PAFAH1B1: variants seen among roughly 807,000 people sequenced by gnomAD.
The protein encoded by PAFAH1B1 is platelet activating factor acetylhydrolase 1b regulatory subunit 1.
A neutral mutation model predicts 57.5 loss-of-function variants in PAFAH1B1; 2 were observed. The observed-to-expected ratio is 0.03, with a 90% confidence interval of 0.01 to 0.11. The LOEUF (loss-of-function observed/expected upper bound fraction) is 0.11. Among genes scored for constraint, PAFAH1B1 ranks in the 10% least tolerant of loss-of-function variants. The pLI, the probability that PAFAH1B1 is intolerant of heterozygous loss-of-function variation, is 1.00. For synonymous variants in PAFAH1B1, 152 were observed against 169.6 expected (o/e 0.90, Z 0.81); for missense variants, 257 against 512.0 (o/e 0.50, Z 4.81).
chr17:2,616,046 G>C (rs533914127), intron 1 of PAFAH1B1, among the ~76,000 whole-genome samples: 83 of 152,314 alleles, frequency 5.4e-4, no homozygotes, highest in African/African-American at 1.9e-3. Context: ...AATAGGATGA[G>C]TTCTCAGTTA....
chr17:2,608,467 G>T (rs374320823), intron 1 of PAFAH1B1, among the ~76,000 whole-genome samples: 1 of 152,174 alleles, frequency 6.6e-6, no homozygotes, highest in East Asian at 1.9e-4. Flanking sequence ...AGACAATGCT[G>T]CAGTGAACAT....
rs2069102900 is a variant in PAFAH1B1 at position 2,666,027 on chromosome 17, A to G, written c.129A>G (p.Leu43=). 1 of 1,510,270 alleles carries G rather than the reference A, an allele frequency of 6.6e-7. No homozygotes were observed. Among genetic ancestry groups the G allele is most frequent in the African/African-American group, 1.4e-5 (1 of 72,728 alleles). The allele number at this position is 1,510,270 out of a possible 1,614,324, so 93.6% of individuals were successfully genotyped here. A position where few individuals can be genotyped will look rare whatever the true frequency, so the allele number is the denominator to read the frequency against. Residue 43 remains leucine (L), a synonymous_variant, in exon 4 of 11, where the codon TTA becomes TTG. Transcript: ENST00000397195. Reference sequence around the variant, plus strand: ...TTTATTTTCTCTAGAATGAAGAATTAGATAAAAAGTATGCTGGTCTTTTGG... The same window carrying G: ...TTTATTTTCTCTAGAATGAAGAATTGGATAAAAAGTATGCTGGTCTTTTGG... ...KEAELDVNEE[L]DKKYAGLLEK... is the part of the protein sequence containing the mutation.
At chr17:2,674,362 TG>T in intron 8 of PAFAH1B1, 74 bp downstream of exon 8, 1 of 1,102,444 alleles carries the variant, frequency 9.1e-7, no homozygotes, top group Non-Finnish European at 1.4e-6. Context: ...GCTAATTCCC[TG>T]TTTCAGGGCT....
intron 2 of PAFAH1B1, 72 bp downstream of exon 2, chr17:2,638,392 C>A: frequency 8.4e-7 from 1 of 1,185,528 alleles, no homozygotes; most frequent in Non-Finnish European, 1.3e-6. Flanking sequence ...TAAAATACAG[C>A]TTTGGGAGGT....
chr17:2,642,860 TC>T (rs2068714381), intron 2 of PAFAH1B1, among the ~76,000 whole-genome samples: 1 of 152,056 alleles, frequency 6.6e-6, no homozygotes, highest in Admixed American at 6.6e-5. Flanking sequence ...TCCCCCTCAC[TC>T]CCCGCTGTCC....
chr17:2,674,087 C>T lies in PAFAH1B1; in HGVS notation c.699C>T (p.His233=). 1 of 1,613,612 alleles carries T rather than the reference C, an allele frequency of 6.2e-7. No homozygotes were observed. The highest frequency in any genetic ancestry group is 8.5e-7 in the Non-Finnish European group (1 of 1,179,702). ...ACTGTGTGAAGACATTCACAGGACACAGAGAATGGGTACGTATGGTACGGC... is the reference window on the plus strand; with the variant it reads ...ACTGTGTGAAGACATTCACAGGACATAGAGAATGGGTACGTATGGTACGGC... ...TGYCVKTFTG[H]REWVRMVRPN... The change falls in exon 8 of 11, where the codon CAC becomes CAT. Residue 233 remains histidine (H), a synonymous_variant. Coordinates refer to ENST00000397195, the MANE Select transcript of PAFAH1B1 (RefSeq NM_000430.4).
intron 1 of PAFAH1B1, among the ~76,000 whole-genome samples, chr17:2,611,913 ACT>A (rs1449755335): frequency 1.3e-5 from 2 of 152,060 alleles, no homozygotes; most frequent in Non-Finnish European, 2.9e-5. Flanking sequence ...AGAGGTGGTT[ACT>A]CTGTGTTCGC....
intron 1 of PAFAH1B1, among the ~76,000 whole-genome samples, chr17:2,630,543 T>C (rs1316563655): frequency 6.6e-6 from 1 of 152,226 alleles, no homozygotes; most frequent in African/African-American, 2.4e-5. Flanking sequence ...CTCTTAAGAT[T>C]CTTTCCTTTG....
Position 2,681,941 on chromosome 17 carries a change from T to C in PAFAH1B1, c.*139T>C. ...CTGGATGTAGATTGAGCTTATTAAATGTTACACACAAAGTATTCATGCATG... is the reference window on the plus strand; with the variant it reads ...CTGGATGTAGATTGAGCTTATTAAACGTTACACACAAAGTATTCATGCATG... On this transcript the variant is annotated 3_prime_UTR_variant, in exon 11 of 11. Transcript: ENST00000397195. 1 of 650,602 alleles carries C rather than the reference T, an allele frequency of 1.5e-6. No homozygotes were observed. Among genetic ancestry groups the C allele is most frequent in the Non-Finnish European group, 2.7e-6 (1 of 375,676 alleles). The allele number at this position is 650,602 out of a possible 1,614,324, so 40.3% of individuals were successfully genotyped here. A position where few individuals can be genotyped will look rare whatever the true frequency, so the allele number is the denominator to read the frequency against.
intron 1 of PAFAH1B1, among the ~76,000 whole-genome samples, chr17:2,621,227 T>C (rs2317293): frequency 0.42 from 64,236 of 152,014 alleles, 16,152 homozygotes; most frequent in African/African-American, 0.71. Context: ...CCTCCTACCA[T>C]CCTTCACCCT....
At chr17:2,664,974 CTT>C (rs1238887848) in intron 2 of PAFAH1B1, among the ~76,000 whole-genome samples, 2 of 37,696 alleles carry the variant, frequency 5.3e-5, no homozygotes, top group Admixed American at 8.1e-4. Flanking sequence ...GCTGTCAGCC[CTT>C]GAGTGTATAA....
intron 2 of PAFAH1B1, chr17:2,640,665 C>G (rs1444209862): frequency 6.6e-6 from 1 of 151,800 alleles, no homozygotes; most frequent in Non-Finnish European, 1.5e-5. Context: ...GTCGGCCAGA[C>G]TGGTCTCAAA....
chr17:2,635,880 T>A (rs1439164167), intron 1 of PAFAH1B1, among the ~76,000 whole-genome samples: 1 of 150,250 alleles, frequency 6.7e-6, no homozygotes, highest in Non-Finnish European at 1.5e-5. Flanking sequence ...CCAGGAGGAT[T>A]GCTTCAGTTC....
At chr17:2,611,515 C>T (rs537966884) in intron 1 of PAFAH1B1, among the ~76,000 whole-genome samples, 1 of 151,620 alleles carries the variant, frequency 6.6e-6, no homozygotes, top group Non-Finnish European at 1.5e-5. Flanking sequence ...GAAAAGGGGT[C>T]CAGGACACAG....
intron 1 of PAFAH1B1, among the ~76,000 whole-genome samples, chr17:2,601,443 A>G (rs993267342): frequency 1.2e-4 from 17 of 145,324 alleles, no homozygotes; most frequent in African/African-American, 4.4e-4. Context: ...ACACCTGGCT[A>G]ATTTTTGTTT....
chr17:2,614,209 G>A (rs2068308757), intron 1 of PAFAH1B1, among the ~76,000 whole-genome samples: 1 of 150,830 alleles, frequency 6.6e-6, no homozygotes, highest in Non-Finnish European at 1.5e-5. Context: ...TTAAATTTGT[G>A]GTAGAATGAG....
intron 1 of PAFAH1B1, among the ~76,000 whole-genome samples, chr17:2,621,128 A>G (rs2068416221): frequency 6.6e-6 from 1 of 151,888 alleles, no homozygotes; most frequent in Non-Finnish European, 1.5e-5. Flanking sequence ...TTTTGAAACT[A>G]CCTTTTTTTT....
chr17:2,654,954 C>CTTT (rs563890350), intron 2 of PAFAH1B1, among the ~76,000 whole-genome samples: 1 of 133,854 alleles, frequency 7.5e-6, no homozygotes, highest in Admixed American at 7.6e-5. Flanking sequence ...TTTTTTTCTT[C>CTTT]TTTTTTTTTT....
At chr17:2,662,180 G>T (rs116534359) in intron 2 of PAFAH1B1, among the ~76,000 whole-genome samples, 2,276 of 151,860 alleles carry the variant, frequency 0.015, 59 homozygotes, top group African/African-American at 0.051. Context: ...GCTTAAAATC[G>T]AATGCTGGCA....
Sources: gnomAD v4.1 joint callset for allele counts (sites outside exome capture counted in the v4.1 genomes callset) on GRCh38, gnomAD v4.1.1 for gene constraint, MANE v1.5 for transcripts, NCBI Gene and HGNC (gene_info 2026-07-23, HGNC 2026-07-21) for gene names.